Variants in COPB2 observed in about 807,000 individuals in gnomAD.
The protein encoded by COPB2 is coatomer subunit beta'.
COPB2 carries 16 observed loss-of-function variants against 120.8 expected under a neutral mutation model. The ratio of observed to expected loss-of-function variants is 0.13; its 90% CI spans 0.09 to 0.20. The LOEUF is 0.20. COPB2 is among the 10% of genes least tolerant of loss of function. COPB2 has a pLI of 1.00. For missense variants in COPB2, 794 were observed against 1,076.5 expected (o/e 0.74, Z 3.67); for synonymous variants, 332 against 366.3 (o/e 0.91, Z 1.07).
intron 10 of COPB2, 95 bp from the exon 11 acceptor site, chr3:139,369,639 T>C (rs11717119): frequency 0.46 from 347,479 of 751,622 alleles, 89,100 homozygotes; most frequent in Non-Finnish European, 0.54. Flanking sequence ...TTTCAGTAAT[T>C]ATGCAAAAAT....
At chr3:139,366,249 A>ATT (rs36102615) in intron 15 of COPB2, among the ~76,000 whole-genome samples, 1 of 151,612 alleles carries the variant, frequency 6.6e-6, no homozygotes, top group Admixed American at 6.6e-5. Flanking sequence ...TATTTTAATC[A>ATT]TTTTTTTTTA....
chr3:139,362,590 ACAC>A, intron 15 of COPB2, 73 bp from the exon 16 acceptor site: 2 of 829,878 alleles, frequency 2.4e-6, no homozygotes, highest in Non-Finnish European at 3.6e-6. Context: ...ATATATATAT[ACAC>A]ACACATATAC....
intron 15 of COPB2, 138 bp downstream of exon 15, chr3:139,366,430 G>T: frequency 1.4e-6 from 1 of 713,158 alleles, no homozygotes; most frequent in Non-Finnish European, 2.3e-6. Flanking sequence ...TGTAATAAGT[G>T]CCTTAAACTC....
intron 20 of COPB2, 146 bp downstream of exon 20, chr3:139,358,598 G>A (rs978439883): frequency 9.4e-6 from 6 of 635,922 alleles, no homozygotes; most frequent in East Asian, 2.7e-5. Flanking sequence ...GGAGAATGGC[G>A]TGAACCCGGG....
chr3:139,358,391 C>A, intron 20 of COPB2, 120 bp from the exon 21 acceptor site: 1 of 904,116 alleles, frequency 1.1e-6, no homozygotes. Context: ...AAAAGTGAAC[C>A]ATCTCAGCCA....
chr3:139,375,501 T>C lies in COPB2; in HGVS notation c.618A>G (p.Ala206=), dbSNP rs1941696710. Reference sequence around the variant, plus strand: ...CCCATATTTTAACAAGACGGTCATCTGCACCTGAAATGAGGTATGGCTTGT... The same window carrying C: ...CCCATATTTTAACAAGACGGTCATCCGCACCTGAAATGAGGTATGGCTTGT... ...GGDKPYLISG[A]DDRLVKIWDY... The change falls in exon 6 of 22, where the codon GCA becomes GCG. Residue 206 remains alanine, a synonymous_variant. Transcript: ENST00000333188. 1 of 1,613,578 alleles carries C rather than the reference T, an allele frequency of 6.2e-7. No individual in the cohort carries two copies. The highest frequency in any genetic ancestry group is 8.5e-7 in the Non-Finnish European group (1 of 1,179,572).
intron 5 of COPB2, 142 bp downstream of exon 5, chr3:139,377,899 G>T: frequency 1.5e-6 from 1 of 689,432 alleles, no homozygotes; most frequent in Non-Finnish European, 2.1e-6. Context: ...GGATTAAAAT[G>T]AGAAATCCTA....
At chr3:139,363,524 A>G (rs1388687881) in intron 15 of COPB2, among the ~76,000 whole-genome samples, 2 of 152,218 alleles carry the variant, frequency 1.3e-5, no homozygotes, top group African/African-American at 2.4e-5. Flanking sequence ...TGGTGCCAAA[A>G]AGGTTGGGGA....
intron 10 of COPB2, among the ~76,000 whole-genome samples, 172 bp downstream of exon 10, chr3:139,371,551 A>G (rs1941623274): frequency 1.3e-5 from 2 of 152,218 alleles, no homozygotes; most frequent in Non-Finnish European, 2.9e-5. Flanking sequence ...AAGCACTAAG[A>G]CGGCTCATGC....
At chr3:139,370,267 T>C (rs981694924) in intron 10 of COPB2, among the ~76,000 whole-genome samples, 1 of 152,198 alleles carries the variant, frequency 6.6e-6, no homozygotes, top group African/African-American at 2.4e-5. Flanking sequence ...GAACCCTATA[T>C]ACACTATGTT....
intron 13 of COPB2, among the ~76,000 whole-genome samples, chr3:139,367,355 C>T (rs1193692160): frequency 1.3e-5 from 2 of 150,530 alleles, no homozygotes; most frequent in Admixed American, 1.3e-4. Context: ...GGCGTAACCT[C>T]TGCTCACTGC....
At chr3:139,387,408 A>G (rs1941945062) in intron 1 of COPB2, among the ~76,000 whole-genome samples, 1 of 152,238 alleles carries the variant, frequency 6.6e-6, no homozygotes, top group South Asian at 2.1e-4. Context: ...CTCACACTGT[A>G]TCCTCAACTT....
chr3:139,358,831 A>C lies in COPB2; in HGVS notation c.2485-19T>G. On this transcript the variant is annotated intron_variant, in intron 19 of 21. Coordinates refer to ENST00000333188, the MANE Select transcript of COPB2 (RefSeq NM_004766.3). ...CATTTGGCTATCAGAGAATAAAGCA[A>C]TGATGAAATGAGATATTCTGAAATC... The C allele has an allele frequency of 6.3e-7, 1 of 1,596,792 alleles. No homozygotes were observed. The highest frequency in any genetic ancestry group is 8.6e-7 in the Non-Finnish European group (1 of 1,164,454).
At chr3:139,358,837 A>C (rs992561089) in intron 19 of COPB2, 25 bp from the exon 20 acceptor site, 1 of 1,573,648 alleles carries the variant, frequency 6.4e-7, no homozygotes, top group Non-Finnish European at 8.7e-7. Context: ...AGCAATGATG[A>C]AATGAGATAT....
chr3:139,374,268 T>A (rs1445761450), intron 7 of COPB2: 4 of 526,262 alleles, frequency 7.6e-6, no homozygotes. Context: ...CTTATTTAAG[T>A]GACAGAATCA....
At chr3:139,370,297 G>A (rs934347809) in intron 10 of COPB2, among the ~76,000 whole-genome samples, 17 of 152,138 alleles carry the variant, frequency 1.1e-4, no homozygotes, top group Non-Finnish European at 1.6e-4. Flanking sequence ...AATGTAAGAG[G>A]TGGGCAGCAT....
chr3:139,374,298 C>CGAT (rs59409399), intron 7 of COPB2, 191 bp downstream of exon 7: 48,942 of 494,152 alleles, frequency 0.099, 2,700 homozygotes, highest in African/African-American at 0.25. Flanking sequence ...AGAATGATGA[C>CGAT]GATGATGATG....
intron 19 of COPB2, 86 bp from the exon 20 acceptor site, chr3:139,358,898 T>C: frequency 1.9e-6 from 3 of 1,558,066 alleles, no homozygotes; most frequent in South Asian, 1.1e-5. Context: ...AGATATCAGC[T>C]CTTAATTTTA....
chr3:139,366,081 G>T (rs924899908), intron 15 of COPB2, among the ~76,000 whole-genome samples: 21 of 152,036 alleles, frequency 1.4e-4, no homozygotes, highest in African/African-American at 5.1e-4. Flanking sequence ...AATACCAAAA[G>T]AATTAGATAA....
Sources: allele counts gnomAD v4.1 joint callset (sites outside exome capture counted in the v4.1 genomes callset), GRCh38; gene constraint gnomAD v4.1.1; transcripts MANE v1.5; gene names NCBI Gene and HGNC (gene_info 2026-07-23, HGNC 2026-07-21).